The following PKP2 variants were observed in gnomAD, a reference collection of about 807,000 sequenced individuals.
PKP2 encodes the protein plakophilin 2, also known as plakophilin-2.
PKP2 carries 73 observed loss-of-function variants against 83.4 expected under a neutral mutation model. The observed-to-expected ratio is 0.88, with a 90% CI of 0.72 to 1.06. The LOEUF is 1.06. Ranked by LOEUF, PKP2 falls within the 50% of genes least tolerant of loss-of-function variation. The pLI is 0.00. For synonymous variants in PKP2, 409 were observed against 430.4 expected (o/e 0.95, Z 0.62); for missense variants, 966 against 1,065.4 (o/e 0.91, Z 1.30).
chr12:32,829,277 T>TA (rs1206582971), intron 6 of PKP2, among the ~76,000 whole-genome samples: 15 of 150,138 alleles, frequency 1.0e-4, no homozygotes, highest in South Asian at 4.3e-4. Context: ...TTTTTTGAGA[T>TA]AGAGTCTCAC....
intron 1 of PKP2, among the ~76,000 whole-genome samples, chr12:32,887,703 C>G (rs531432206): frequency 1.1e-4 from 16 of 152,192 alleles, no homozygotes; most frequent in African/African-American, 3.9e-4. Flanking sequence ...CTACCCGCCT[C>G]GGGCTCCCAA....
intron 7 of PKP2, 107 bp downstream of exon 7, chr12:32,823,938 A>T: frequency 1.3e-6 from 1 of 783,292 alleles, no homozygotes; most frequent in Non-Finnish European, 2.3e-6. Flanking sequence ...GGAAGATCTT[A>T]GGCTCAGTAA....
chr12:32,796,066 A>T, intron 11 of PKP2, 43 bp downstream of exon 11: 1 of 1,512,006 alleles, frequency 6.6e-7, no homozygotes, highest in Non-Finnish European at 9.2e-7. Context: ...CAGGCTGGTG[A>T]GGGGAAAGGG....
At chr12:32,858,263 C>T (rs1053547145) in intron 4 of PKP2, among the ~76,000 whole-genome samples, 1 of 149,088 alleles carries the variant, frequency 6.7e-6, no homozygotes, top group African/African-American at 2.5e-5. Flanking sequence ...ATGATCACAC[C>T]ACTGCACTCC....
At chr12:32,830,368 A>G (rs1318932302) in intron 6 of PKP2, among the ~76,000 whole-genome samples, 1 of 152,224 alleles carries the variant, frequency 6.6e-6, no homozygotes, top group Non-Finnish European at 1.5e-5. Context: ...GAAAAACTCG[A>G]TGCCAAAAGA....
chr12:32,861,577 C>G (rs1374500329), intron 4 of PKP2, among the ~76,000 whole-genome samples: 1 of 152,080 alleles, frequency 6.6e-6, no homozygotes, highest in Non-Finnish European at 1.5e-5. Context: ...AAAGAAAGAT[C>G]TAAAGAAGCC....
intron 9 of PKP2, among the ~76,000 whole-genome samples, chr12:32,804,605 T>A: frequency 6.6e-6 from 1 of 152,188 alleles, no homozygotes; most frequent in Non-Finnish European, 1.5e-5. Context: ...TCCAGCTCCA[T>A]CCATGTCCCT....
chr12:32,854,376 T>C (rs998632340), intron 4 of PKP2, among the ~76,000 whole-genome samples: 1 of 152,252 alleles, frequency 6.6e-6, no homozygotes, highest in Non-Finnish European at 1.5e-5. Context: ...GACTCCCTAG[T>C]GTCTGGCACT....
rs560946926 is a variant in PKP2 at position 32,797,746 on chromosome 12, C to T, written c.2168-1448G>A. ...AATTTTTTTGTATTTTTAGTAGAGA[C>T]GGGGTTTCACCTTGTTAGCCAGGAT... is the stretch of plus-strand genomic sequence containing the variant. On this transcript the variant is annotated intron_variant, in intron 10 of 12. Transcript: ENST00000340811. Among the ~76,000 whole-genome samples the T allele has an allele frequency of 2.2e-4, 33 of 151,706 alleles. No homozygotes were observed. In the South Asian group the frequency reaches 6.1e-3, roughly 28 times the overall value.
At chr12:32,875,674 A>G (rs1348322596) in intron 3 of PKP2, among the ~76,000 whole-genome samples, 2 of 152,186 alleles carry the variant, frequency 1.3e-5, no homozygotes, top group African/African-American at 4.8e-5. Context: ...ATGGAAATGG[A>G]AAGAAGGGTA....
intron 4 of PKP2, among the ~76,000 whole-genome samples, chr12:32,864,143 C>CTACTTTTT: frequency 6.6e-6 from 1 of 152,108 alleles, no homozygotes; most frequent in South Asian, 2.1e-4. Flanking sequence ...AAGGGAAGTT[C>CTACTTTTT]TTCAACTTGA....
chr12:32,849,464 C>G (rs1956677828), intron 5 of PKP2, among the ~76,000 whole-genome samples: 2 of 152,208 alleles, frequency 1.3e-5, no homozygotes, highest in South Asian at 4.1e-4. Context: ...AGCAATCCTC[C>G]TGCCTTGGCC....
intron 11 of PKP2, among the ~76,000 whole-genome samples, chr12:32,793,757 G>A (rs1956095681): frequency 6.6e-6 from 1 of 151,352 alleles, no homozygotes; most frequent in Non-Finnish European, 1.5e-5. Flanking sequence ...CACCACGCCA[G>A]GCTAATTTTT....
At chr12:32,881,424 T>A (rs1340280222) in intron 1 of PKP2, among the ~76,000 whole-genome samples, 1 of 152,026 alleles carries the variant, frequency 6.6e-6, no homozygotes, top group Non-Finnish European at 1.5e-5. Context: ...AGAAAAAAAA[T>A]TTTTTTCTAT....
chr12:32,870,706 T>C (rs142410732), intron 3 of PKP2, among the ~76,000 whole-genome samples: 283 of 152,330 alleles, frequency 1.9e-3, no homozygotes, highest in African/African-American at 6.6e-3. Flanking sequence ...GCAAAGTCTT[T>C]GCCAGCCATC....
intron 4 of PKP2, among the ~76,000 whole-genome samples, chr12:32,856,015 T>A (rs1336477053): frequency 1.3e-5 from 2 of 152,126 alleles, no homozygotes; most frequent in Non-Finnish European, 2.9e-5. Context: ...ATTGAAGATA[T>A]GTAAGTATAT....
chr12:32,885,272 T>G (rs1957021438), intron 1 of PKP2, among the ~76,000 whole-genome samples: 1 of 152,184 alleles, frequency 6.6e-6, no homozygotes, highest in Non-Finnish European at 1.5e-5. Flanking sequence ...ATGATATGAT[T>G]CCTAAGCAGC....
At chr12:32,814,344 T>A (rs535524722) in intron 9 of PKP2, among the ~76,000 whole-genome samples, 170 of 152,262 alleles carry the variant, frequency 1.1e-3, no homozygotes, top group African/African-American at 4.0e-3. Context: ...AGTCCCTGAC[T>A]TTCATCTCTT....
In PKP2 at chr12:32,885,859, C is replaced by T. The variant is rs577670246; in HGVS notation, c.224-6827G>A. Among the ~76,000 whole-genome samples, 231 of 152,254 alleles carry T rather than the reference C, an allele frequency of 1.5e-3. 1 individual carries two copies. The highest frequency in any genetic ancestry group is 5.3e-3 in the African/African-American group (222 of 41,558). On this transcript the variant is annotated intron_variant, in intron 1 of 12. Coordinates refer to ENST00000340811, the MANE Select transcript of PKP2 (RefSeq NM_001005242.3). The stretch of plus-strand genomic sequence containing the variant: ...ATAGTAAGCAAATGACAGAGAACTG[C>T]TAAACAAGCAAGATCTTTATATAGC...
Sources: gnomAD v4.1 joint callset for allele counts (sites outside exome capture counted in the v4.1 genomes callset) on GRCh38, gnomAD v4.1.1 for gene constraint, MANE v1.5 for transcripts, NCBI Gene and HGNC (gene_info 2026-07-23, HGNC 2026-07-21) for gene names.